APOBEC4: variants seen among roughly 807,000 people sequenced by gnomAD.
APOBEC4 encodes the protein apolipoprotein B mRNA editing enzyme catalytic polypeptide like 4.
For synonymous variants in APOBEC4, 141 were observed against 154.2 expected (o/e 0.91, Z 0.63); for missense variants, 375 against 441.2 (o/e 0.85, Z 1.34).
chr1:183,649,176 G>A (rs1278574536), intron 1 of APOBEC4, among the ~76,000 whole-genome samples: 1 of 152,176 alleles, frequency 6.6e-6, no homozygotes, highest in Non-Finnish European at 1.5e-5. Flanking sequence ...TTCCTTGTCT[G>A]TAAAATGAAG....
At chr1:183,649,677 A>AT in intron 1 of APOBEC4, among the ~76,000 whole-genome samples, 1 of 152,336 alleles carries the variant, frequency 6.6e-6, no homozygotes, top group East Asian at 1.9e-4. Context: ...CAGAAAGCAA[A>AT]TATGGTTCTT....
rs1373425083 is a variant in APOBEC4 at position 183,648,516 on chromosome 1, C to T, written c.266G>A (p.Gly89Glu). Residue 89 changes from glycine (G) to glutamate (E), a missense_variant, in exon 2 of 2, where the codon GGG (glycine) becomes GAG (glutamate). Gly to Glu is a moderately conservative substitution (Grantham distance 98). Transcript: ENST00000308641. ...VQKGHASSCT[G>E]NYIHPESMLF... The stretch of plus-strand genomic sequence containing the variant: ...CATTGATTCTGGATGGATATAATTC[C>T]CAGTGCAACTGCTAGCATGGCCCTT... 2 of 1,614,134 alleles carry T rather than the reference C, an allele frequency of 1.2e-6. No homozygotes were observed. Among genetic ancestry groups the T allele is most frequent in the Admixed American group, 3.3e-5 (2 of 60,012 alleles).
At chr1:183,652,605 A>T (rs561255886) in intron 1 of APOBEC4, among the ~76,000 whole-genome samples, 1 of 152,172 alleles carries the variant, frequency 6.6e-6, no homozygotes, top group Non-Finnish European at 1.5e-5. Context: ...ATTCTCCCCA[A>T]CCAGGTGGAA....
In APOBEC4 at chr1:183,647,775, A is replaced by G; in HGVS notation, c.1007T>C (p.Leu336Pro). ...SFQETKDLGR[L>P]PTGRSVEIVE... is the part of the protein sequence containing the mutation. ...TATCTCCACTGACCTTCCAGTGGGA[A>G]GCCTTCCAAGGTCCTTGGTTTCCTG... The change falls in exon 2 of 2, where the codon CTT (leucine) becomes CCT (proline). Residue 336 changes from leucine (L) to proline (P), a missense_variant. Coordinates refer to ENST00000308641, the MANE Select transcript of APOBEC4 (RefSeq NM_203454.3). 6.2e-7 allele frequency: 1 copy of G among 1,614,180 alleles called. No individual in the cohort carries two copies. The highest frequency in any genetic ancestry group is 2.2e-5 in the East Asian group (1 of 44,880).
In APOBEC4 at chr1:183,653,100, A is replaced by T. The variant is rs1220933933; in HGVS notation, c.-59T>A. 2 of 152,258 alleles carry T rather than the reference A, an allele frequency of 1.3e-5. No homozygotes were observed. The highest frequency in any genetic ancestry group is 4.8e-5 in the African/African-American group (2 of 41,462). 9.4% of individuals were successfully genotyped at this position (152,258 alleles called of 1,614,324 possible). On this transcript the variant is annotated 5_prime_UTR_variant, in exon 1 of 2. It removes an upstream start codon present in the reference 5' UTR. Coordinates refer to ENST00000308641, the MANE Select transcript of APOBEC4 (RefSeq NM_203454.3). ...CAATTTGTCTCCAGGCTTGGATCAC[A>T]TTCCAGGTGTTAGAAGAGATGGTCC...
rs1650451714 is a variant in APOBEC4 at position 183,648,224 on chromosome 1, C to T, written c.558G>A (p.Leu186=). ...SLASLWPRVV[L]SPISGGIWHS... is the part of the protein sequence containing the mutation. The stretch of plus-strand genomic sequence containing the variant: ...GCCAGATCCCACCACTTATTGGACT[C>T]AAAACAACCCGCGGCCATAAGCTGG... The change falls in exon 2 of 2, where the codon TTG becomes TTA. Residue 186 remains leucine, a synonymous_variant. Coordinates refer to ENST00000308641, the MANE Select transcript of APOBEC4 (RefSeq NM_203454.3). The T allele has an allele frequency of 6.2e-7, 1 of 1,614,158 alleles. No individual in the cohort carries two copies. Among genetic ancestry groups the T allele is most frequent in the Non-Finnish European group, 8.5e-7 (1 of 1,180,032 alleles).
Position 183,653,120 on chromosome 1 carries a change from T to C in APOBEC4, c.-79A>G, listed in dbSNP as rs1487520101. The C allele has an allele frequency of 1.3e-5, 2 of 152,104 alleles. No homozygotes were observed. Among genetic ancestry groups the C allele is most frequent in the African/African-American group, 2.4e-5 (1 of 41,310 alleles). 9.4% of individuals were successfully genotyped at this position (152,104 alleles called of 1,614,324 possible). On this transcript the variant is annotated 5_prime_UTR_variant, in exon 1 of 2. Transcript: ENST00000308641. ...ATCACATTCCAGGTGTTAGAAGAGA[T>C]GGTCCATTTCCTTTTTTTTCTCCTT...
At chr1:183,650,708 ATTT>A (rs11395856) in intron 1 of APOBEC4, among the ~76,000 whole-genome samples, 27 of 144,644 alleles carry the variant, frequency 1.9e-4, no homozygotes, top group African/African-American at 6.3e-4. Context: ...AAAGAATCAG[ATTT>A]TTTTTTTTTT....
At position 183,647,918 on chromosome 1, in the gene APOBEC4, C is replaced by T; in HGVS notation, c.864G>A (p.Arg288=). 6.2e-7 allele frequency: 1 copy of T among 1,614,132 alleles called. No individual in the cohort carries two copies. Among genetic ancestry groups the T allele is most frequent in the East Asian group, 2.2e-5 (1 of 44,880 alleles). ...GCACTAGCACAAAAACAACAGGAGC[C>T]CTGAGGTCTGGAGGTAGGTTGGGTT... ...QLQPNLPPDL[R]APVVFVLVPL... The change falls in exon 2 of 2, where the codon AGG becomes AGA. Residue 288 remains arginine, a synonymous_variant. Coordinates refer to ENST00000308641, the MANE Select transcript of APOBEC4 (RefSeq NM_203454.3).
Position 183,648,376 on chromosome 1 carries a change from T to G in APOBEC4, c.406A>C (p.Ser136Arg). 2 of 1,614,256 alleles carry G rather than the reference T, an allele frequency of 1.2e-6. No homozygotes were observed. The highest frequency in any genetic ancestry group is 1.3e-5 in the African/African-American group (1 of 75,068). ...GTAATCAGGAAATTATACATTTTGC[T>G]GATGCAGCAGTGGTTAGCTTCATTA... The part of the protein sequence containing the change: ...PCNEANHCCI[S>R]KMYNFLITYP... The change falls in exon 2 of 2, where the codon AGC becomes CGC. Residue 136 changes from serine (S) to arginine (R), a missense_variant. Coordinates refer to ENST00000308641, the MANE Select transcript of APOBEC4 (RefSeq NM_203454.3).
At chr1:183,651,257 G>C (rs1650730907) in intron 1 of APOBEC4, among the ~76,000 whole-genome samples, 1 of 152,028 alleles carries the variant, frequency 6.6e-6, no homozygotes. Context: ...AACTTTGTCA[G>C]ATAACAAAAC....
At chr1:183,652,103 G>C (rs1487030969) in intron 1 of APOBEC4, among the ~76,000 whole-genome samples, 2 of 152,138 alleles carry the variant, frequency 1.3e-5, no homozygotes, top group East Asian at 3.8e-4. Flanking sequence ...GCACTTTTCT[G>C]TCTTTATTAC....
At chr1:183,652,092 G>A (rs1216949955) in intron 1 of APOBEC4, among the ~76,000 whole-genome samples, 1 of 152,166 alleles carries the variant, frequency 6.6e-6, no homozygotes, top group Admixed American at 6.5e-5. Context: ...AGAACCAAAA[G>A]GCACTTTTCT....
rs775349275 is a variant in APOBEC4, at chr1:183,648,204, A to G, written c.578T>C (p.Ile193Thr). The G allele has an allele frequency of 3.7e-6, 6 of 1,614,214 alleles. No homozygotes were observed. In the South Asian group the frequency reaches 6.6e-5, roughly 18 times the overall value. ...RVVLSPISGGIWHSVLHSFIS... is the reference protein window; with the variant it reads ...RVVLSPISGGTWHSVLHSFIS... ...AAAGCTGTGGAGAACAGAATGCCAGATCCCACCACTTATTGGACTCAAAAC... is the reference window on the plus strand; with the variant it reads ...AAAGCTGTGGAGAACAGAATGCCAGGTCCCACCACTTATTGGACTCAAAAC... Residue 193 changes from isoleucine to threonine, a missense_variant, in exon 2 of 2, where the codon ATC (isoleucine) becomes ACC (threonine). Ile to Thr is a moderately conservative substitution (Grantham distance 89). Coordinates refer to ENST00000308641, the MANE Select transcript of APOBEC4 (RefSeq NM_203454.3).
At chr1:183,650,937 C>G (rs1176338819) in intron 1 of APOBEC4, among the ~76,000 whole-genome samples, 1 of 151,924 alleles carries the variant, frequency 6.6e-6, no homozygotes, top group Admixed American at 6.6e-5. Flanking sequence ...GGTATTTATT[C>G]TTCTGTGAAA....
chr1:183,647,849 A>T lies in APOBEC4; in HGVS notation c.933T>A (p.Asn311Lys). The part of the protein sequence containing the change: ...LPPMHMGQNP[N>K]KPRNIVRHLN... ...AGTGCCTTACGATATTCCTGGGTTT[A>T]TTTGGGTTTTGGCCCATATGCATTG... Residue 311 changes from asparagine to lysine, a missense_variant, in exon 2 of 2, where the codon AAT becomes AAA. Physicochemically the swap from Asn to Lys is moderately conservative, Grantham distance 94. Transcript: ENST00000308641. 1 of 1,614,092 alleles carries T rather than the reference A, an allele frequency of 6.2e-7. No homozygotes were observed. The highest frequency in any genetic ancestry group is 8.5e-7 in the Non-Finnish European group (1 of 1,180,012).
chr1:183,650,149 T>C (rs1650614007), intron 1 of APOBEC4, among the ~76,000 whole-genome samples: 1 of 152,160 alleles, frequency 6.6e-6, no homozygotes. Flanking sequence ...CCTCCAGTCT[T>C]TTTGCTATAT....
Position 183,648,143 on chromosome 1 carries a change from G to A in APOBEC4, c.639C>T (p.Pro213=). The A allele has an allele frequency of 6.2e-7, 1 of 1,614,172 alleles. No homozygotes were observed. The highest frequency in any genetic ancestry group is 8.5e-7 in the Non-Finnish European group (1 of 1,180,022). The part of the protein sequence containing the change: ...SGVSGSHVFQ[P]ILTGRALADR... ...CAGCCAGTGCTCTCCCAGTTAAAATGGGCTGAAAAACATGTGATCCTGAGA... is the reference window on the plus strand; with the variant it reads ...CAGCCAGTGCTCTCCCAGTTAAAATAGGCTGAAAAACATGTGATCCTGAGA... Residue 213 remains proline (P), a synonymous_variant, in exon 2 of 2, where the codon CCC becomes CCT. Transcript: ENST00000308641.
In APOBEC4 at chr1:183,648,238, G is replaced by C. The variant is rs780726661; in HGVS notation, c.544C>G (p.Pro182Ala). 1.2e-6 allele frequency: 2 copies of C among 1,614,194 alleles called. No individual in the cohort carries two copies. The highest frequency in any genetic ancestry group is 2.2e-5 in the South Asian group (2 of 91,086). ...EALRSLASLW[P>A]RVVLSPISGG... ...CTTATTGGACTCAAAACAACCCGCG[G>C]CCATAAGCTGGCCAGGCTCCGGAGA... The change falls in exon 2 of 2, where the codon CCG becomes GCG. Residue 182 changes from proline to alanine, a missense_variant. Pro to Ala is a conservative substitution (Grantham distance 27, BLOSUM62 -1). Transcript: ENST00000308641.
Sources: allele counts gnomAD v4.1 joint callset (sites outside exome capture counted in the v4.1 genomes callset), GRCh38; gene constraint gnomAD v4.1.1; transcripts MANE v1.5; gene names NCBI Gene and HGNC (gene_info 2026-07-23, HGNC 2026-07-21).